ECHDC1: variants seen among roughly 807,000 people sequenced by gnomAD.
The protein encoded by ECHDC1 is ethylmalonyl-CoA decarboxylase.
Under a neutral mutation model 29.7 loss-of-function variants are expected in ECHDC1, and 29 were observed. The observed-to-expected ratio is 0.98, with a 90% CI of 0.73 to 1.33. ECHDC1 has a LOEUF of 1.33. Ranked by LOEUF, ECHDC1 falls within the 40% of genes most tolerant of loss-of-function variation. ECHDC1 has a pLI of 0.00. For synonymous variants in ECHDC1, 126 were observed against 123.1 expected, an observed-to-expected ratio of 1.02 and a Z score of -0.15; for missense variants, 328 against 350.0, an observed-to-expected ratio of 0.94 and a Z score of 0.50.
intron 1 of ECHDC1, among the ~76,000 whole-genome samples, chr6:127,338,481 G>C (rs537727580): frequency 6.6e-6 from 1 of 151,470 alleles, no homozygotes; most frequent in South Asian, 2.1e-4. Context: ...TTTTCTTTAG[G>C]TATAAATGAA....
In ECHDC1 at chr6:127,326,913, C is replaced by T. The variant is rs554884432; in HGVS notation, c.363+89G>A. 213 of 1,406,842 alleles carry T rather than the reference C, an allele frequency of 1.5e-4. 2 individuals carry two copies. The African/African-American group carries it at 2.8e-3, about 19-fold the overall frequency. The allele number at this position is 1,406,842 out of a possible 1,614,324, so 87.1% of individuals were successfully genotyped here. A position where few individuals can be genotyped will look rare whatever the true frequency, so the allele number is the denominator to read the frequency against. On this transcript the variant is annotated intron_variant, in intron 3 of 5. Coordinates refer to ENST00000454859, the MANE Select transcript of ECHDC1 (RefSeq NM_001002030.2). The stretch of plus-strand genomic sequence containing the variant: ...ATAATCCTTTGAAAGTTATTAAAGT[C>T]ATCATAACCATTAGTAAAATATAAA...
chr6:127,326,957 C>A, intron 3 of ECHDC1, 45 bp downstream of exon 3: 1 of 1,566,904 alleles, frequency 6.4e-7, no homozygotes, highest in Non-Finnish European at 8.7e-7. Context: ...CCATACATGT[C>A]TAATAAACAT....
At chr6:127,291,125 A>C (rs1780134830) in intron 5 of ECHDC1, among the ~76,000 whole-genome samples, 1 of 152,054 alleles carries the variant, frequency 6.6e-6, no homozygotes, top group Non-Finnish European at 1.5e-5. Flanking sequence ...AGCATACTTA[A>C]CAGGCCTTAG....
intron 1 of ECHDC1, among the ~76,000 whole-genome samples, chr6:127,332,889 T>A (rs969381765): frequency 1.1e-4 from 17 of 152,174 alleles, no homozygotes; most frequent in African/African-American, 4.1e-4. Context: ...GCCTCCCAGG[T>A]TGAAGTGATT....
In ECHDC1 at chr6:127,298,639, G is replaced by A. The variant is rs80001355; in HGVS notation, c.498-8362C>T. ...ACAACATTTTAGTCAGCAATGGACT[G>A]TATGACAATGATCCCATAAGATTAT... On this transcript the variant is annotated intron_variant, in intron 5 of 5. Transcript: ENST00000454859. Among the ~76,000 whole-genome samples, 159 of 152,214 alleles carry A rather than the reference G, an allele frequency of 1.0e-3. 1 individual carries two copies. The East Asian group carries it at 0.022, about 21-fold the overall frequency.
At chr6:127,305,457 A>T (rs1162363217) in intron 5 of ECHDC1, among the ~76,000 whole-genome samples, 1 of 152,210 alleles carries the variant, frequency 6.6e-6, no homozygotes, top group Non-Finnish European at 1.5e-5. Flanking sequence ...AACGATGTCA[A>T]TGAGCCATAA....
chr6:127,337,186 G>A (rs1440651133), intron 1 of ECHDC1, among the ~76,000 whole-genome samples: 7 of 152,064 alleles, frequency 4.6e-5, no homozygotes, highest in Admixed American at 2.0e-4. Context: ...ATTGCCCTGC[G>A]AAGTTTCTTG....
At chr6:127,301,391 C>G (rs1259696330) in intron 5 of ECHDC1, among the ~76,000 whole-genome samples, 1 of 152,152 alleles carries the variant, frequency 6.6e-6, no homozygotes, top group Non-Finnish European at 1.5e-5. Context: ...TGAGTGAATT[C>G]CAGGCAATTC....
chr6:127,315,117 A>G (rs937087168), intron 4 of ECHDC1: 10 of 673,210 alleles, frequency 1.5e-5, no homozygotes, highest in East Asian at 5.8e-5. Context: ...TAAATGCCAC[A>G]TAAGTTCATT....
chr6:127,328,895 C>T (rs764543527), intron 2 of ECHDC1, among the ~76,000 whole-genome samples: 1 of 152,002 alleles, frequency 6.6e-6, no homozygotes, highest in Non-Finnish European at 1.5e-5. Context: ...GGCGTGGTGG[C>T]AGGCGCCTGT....
At chr6:127,305,536 A>T (rs960431568) in intron 5 of ECHDC1, among the ~76,000 whole-genome samples, 1 of 152,030 alleles carries the variant, frequency 6.6e-6, no homozygotes. Context: ...ATATTAAAAC[A>T]CTGTAACTGT....
In ECHDC1 at chr6:127,330,937, C is replaced by A. The variant is rs1783873327; in HGVS notation, c.92G>T (p.Gly31Val). Residue 31 changes from glycine to valine, a missense_variant, in exon 2 of 6, where the codon GGA (glycine) becomes GTA (valine). Transcript: ENST00000454859. ...TGLSLYSTSH[G>V]FYEEEVKKTL... The stretch of plus-strand genomic sequence containing the variant: ...TTTTTTCACTTCTTCCTCATAAAAT[C>A]CATGGGATGTACTATAAAGTGACAA... 6.2e-7 allele frequency: 1 copy of A among 1,613,946 alleles called. No homozygotes were observed. Among genetic ancestry groups the A allele is most frequent in the South Asian group, 1.1e-5 (1 of 91,084 alleles).
chr6:127,313,921 G>C (rs1447474823), intron 5 of ECHDC1, among the ~76,000 whole-genome samples: 1 of 152,130 alleles, frequency 6.6e-6, no homozygotes, highest in Non-Finnish European at 1.5e-5. Flanking sequence ...ATTTAAGGGA[G>C]ATACTTCCAT....
At chr6:127,308,332 G>A (rs937024477) in intron 5 of ECHDC1, among the ~76,000 whole-genome samples, 3 of 152,116 alleles carry the variant, frequency 2.0e-5, no homozygotes, top group Non-Finnish European at 4.4e-5. Context: ...GGGATGCAAG[G>A]ATGGTTCAAC....
chr6:127,306,712 T>G (rs1044278531), intron 5 of ECHDC1, among the ~76,000 whole-genome samples: 9 of 152,156 alleles, frequency 5.9e-5, no homozygotes, highest in African/African-American at 2.2e-4. Context: ...TTACCCAGTC[T>G]CAGGTAGTTC....
chr6:127,320,651 G>A (rs1296253265), intron 3 of ECHDC1, among the ~76,000 whole-genome samples: 4 of 152,114 alleles, frequency 2.6e-5, no homozygotes, highest in Non-Finnish European at 5.9e-5. Context: ...ATAGCCTACA[G>A]GACATCTGTG....
At chr6:127,311,669 CAAAAAAAAAAA>C (rs71272311) in intron 5 of ECHDC1, among the ~76,000 whole-genome samples, 1,244 of 24,712 alleles carry the variant, frequency 0.05, 37 homozygotes, top group Admixed American at 0.19. Context: ...GGCTCTGTCT[CAAAAAAAAAAA>C]AAAAAAAAAA....
chr6:127,298,685 A>G (rs1780807288), intron 5 of ECHDC1, among the ~76,000 whole-genome samples: 1 of 152,186 alleles, frequency 6.6e-6, no homozygotes, highest in African/African-American at 2.4e-5. Context: ...AAAAATTTCT[A>G]TAGCCTGGTG....
At chr6:127,313,661 T>C in intron 5 of ECHDC1, 3 of 444,248 alleles carry the variant, frequency 6.8e-6, no homozygotes, top group South Asian at 4.7e-5. Context: ...TAGGGTCAAG[T>C]GTATAATGAA....
Sources: allele counts gnomAD v4.1 joint callset (sites outside exome capture counted in the v4.1 genomes callset), GRCh38; gene constraint gnomAD v4.1.1; transcripts MANE v1.5; gene names NCBI Gene and HGNC (gene_info 2026-07-23, HGNC 2026-07-21).